The following TRIM24 variants were observed in gnomAD, a reference collection of about 807,000 sequenced individuals.
The protein encoded by TRIM24 is transcription intermediary factor 1-alpha.
A neutral mutation model predicts 123.9 loss-of-function variants in TRIM24; 29 were observed. The ratio of observed to expected loss-of-function variants is 0.23; its 90% CI spans 0.17 to 0.32. TRIM24 has a LOEUF of 0.32. Ranked by LOEUF, TRIM24 falls within the 10% of genes least tolerant of loss-of-function variation. TRIM24 has a pLI of 1.00. For synonymous variants in TRIM24, 456 were observed against 461.1 expected (o/e 0.99, Z 0.14); for missense variants, 932 against 1,295.3 (o/e 0.72, Z 4.31).
In TRIM24 at chr7:138,578,920, G is replaced by GTATATATATATATATA. The variant is rs71177997; in HGVS notation, c.2257-281_2257-266dup. ...AATTTGAATGAACAGCTCCAGTGAGGTATATATATATATATATAGGTCATG... is the reference window on the plus strand; with the variant it reads ...AATTTGAATGAACAGCTCCAGTGAGGTATATATATATATATATATATATATATATATATAGGTCATG... On this transcript the variant is annotated intron_variant, in intron 14 of 18. Transcript: ENST00000343526. Among the ~76,000 whole-genome samples, 260 of 146,402 alleles carry GTATATATATATATATA rather than the reference G, an allele frequency of 1.8e-3. 2 individuals are homozygous for GTATATATATATATATA. The highest frequency in any genetic ancestry group is 6.5e-3 in the African/African-American group (257 of 39,774).
chr7:138,564,552 C>T (rs904469338), intron 9 of TRIM24, among the ~76,000 whole-genome samples: 4 of 152,212 alleles, frequency 2.6e-5, no homozygotes, highest in East Asian at 1.9e-4. Flanking sequence ...ACTTTAGGCT[C>T]GGTCTGAGCC....
chr7:138,502,629 G>T (rs1188184662), intron 1 of TRIM24, among the ~76,000 whole-genome samples: 1 of 152,188 alleles, frequency 6.6e-6, no homozygotes, highest in East Asian at 1.9e-4. Flanking sequence ...TAAATTGGGG[G>T]TAACACTTAA....
Position 138,466,644 on chromosome 7 carries a change from C to T in TRIM24, c.364+5732C>T, listed in dbSNP as rs536142677. ...CTGGGATTATGGGCGTGAGCCACCA[C>T]GCCTGGCTGGGAGTTTGCCTTTTTA... On this transcript the variant is annotated intron_variant, in intron 1 of 18. Coordinates refer to ENST00000343526, the MANE Select transcript of TRIM24 (RefSeq NM_015905.3). Among the ~76,000 whole-genome samples, 13 of 151,746 alleles carry T rather than the reference C, an allele frequency of 8.6e-5. No homozygotes were observed. The South Asian group carries it at 1.2e-3, about 15-fold the overall frequency.
At chr7:138,505,513 GTT>G (rs1796133582) in intron 2 of TRIM24, among the ~76,000 whole-genome samples, 11 of 125,284 alleles carry the variant, frequency 8.8e-5, no homozygotes, top group South Asian at 5.4e-4. Context: ...GGTGGTGGTT[GTT>G]GTTGTTGTTG....
At chr7:138,550,318 G>GGTGTGTGTGTGTGTGTGT (rs10548154) in intron 7 of TRIM24, among the ~76,000 whole-genome samples, 198 of 147,568 alleles carry the variant, frequency 1.3e-3, no homozygotes, top group African/African-American at 4.2e-3. Context: ...AGGAGTTGAT[G>GGTGTGTGTGTGTGTGTGT]GTGTGTGTGT....
chr7:138,506,550 A>T (rs918138963), intron 2 of TRIM24, among the ~76,000 whole-genome samples: 1 of 152,228 alleles, frequency 6.6e-6, no homozygotes, highest in African/African-American at 2.4e-5. Context: ...CAGATGGGAT[A>T]TTCCTATGAC....
chr7:138,544,385 G>A (rs1049795814), intron 7 of TRIM24, among the ~76,000 whole-genome samples: 4 of 152,112 alleles, frequency 2.6e-5, no homozygotes, highest in Non-Finnish European at 4.4e-5. Flanking sequence ...ATATTCTATT[G>A]TATATATCTA....
chr7:138,508,658 G>A (rs898763706), intron 2 of TRIM24, among the ~76,000 whole-genome samples: 1 of 130,348 alleles, frequency 7.7e-6, no homozygotes, highest in African/African-American at 2.7e-5. Flanking sequence ...TGACTAATAA[G>A]AGGAGTGTGT....
chr7:138,563,487 C>T (rs1373558261), intron 9 of TRIM24, among the ~76,000 whole-genome samples: 4 of 152,236 alleles, frequency 2.6e-5, no homozygotes, highest in Non-Finnish European at 5.9e-5. Context: ...GTAAGGGTCA[C>T]TGCTAACATA....
chr7:138,510,632 G>T (rs1354005976), intron 2 of TRIM24, among the ~76,000 whole-genome samples: 3 of 152,140 alleles, frequency 2.0e-5, no homozygotes. Context: ...ATGTTGCCCA[G>T]GCTGGTCTCG....
At chr7:138,580,840 T>A in intron 16 of TRIM24, 146 bp downstream of exon 16, 1 of 678,658 alleles carries the variant, frequency 1.5e-6, no homozygotes, top group Non-Finnish European at 2.2e-6. Flanking sequence ...GGTACATGAA[T>A]CTTAAAGACT....
At chr7:138,504,692 C>T (rs1796113069) in intron 2 of TRIM24, among the ~76,000 whole-genome samples, 1 of 151,534 alleles carries the variant, frequency 6.6e-6, no homozygotes. Context: ...AATCTCCTGA[C>T]CTCTTGATCC....
intron 1 of TRIM24, among the ~76,000 whole-genome samples, chr7:138,468,537 G>C (rs560122770): frequency 6.6e-6 from 1 of 151,852 alleles, no homozygotes; most frequent in African/African-American, 2.4e-5. Flanking sequence ...AAAGTATCTC[G>C]TAGATAGCGT....
chr7:138,582,578 G>A (rs186023737), intron 17 of TRIM24, among the ~76,000 whole-genome samples: 6 of 150,444 alleles, frequency 4.0e-5, no homozygotes, highest in Admixed American at 6.6e-5. Context: ...TGACTTTAAC[G>A]CATAATTTTA....
chr7:138,486,788 T>C (rs1225694285), intron 1 of TRIM24, among the ~76,000 whole-genome samples: 1 of 152,226 alleles, frequency 6.6e-6, no homozygotes, highest in Admixed American at 6.5e-5. Flanking sequence ...CCAGCTTTGT[T>C]CTTTTTGCTT....
intron 2 of TRIM24, among the ~76,000 whole-genome samples, chr7:138,508,325 A>G (rs529704757): frequency 5.3e-5 from 8 of 152,082 alleles, no homozygotes; most frequent in Non-Finnish European, 1.2e-4. Context: ...GAAGGGTAAG[A>G]ATATTTTGAT....
At chr7:138,510,796 C>T (rs1796270011) in intron 2 of TRIM24, among the ~76,000 whole-genome samples, 2 of 152,112 alleles carry the variant, frequency 1.3e-5, no homozygotes, top group South Asian at 4.1e-4. Flanking sequence ...CTTGATTAGG[C>T]AGGTTCATTT....
chr7:138,548,535 C>T (rs891979009), intron 7 of TRIM24, among the ~76,000 whole-genome samples: 14 of 152,082 alleles, frequency 9.2e-5, no homozygotes, highest in African/African-American at 2.9e-4. Flanking sequence ...ACTGTGAAGG[C>T]GTAGGACATT....
At chr7:138,484,716 C>T (rs1795607975) in intron 1 of TRIM24, among the ~76,000 whole-genome samples, 1 of 151,984 alleles carries the variant, frequency 6.6e-6, no homozygotes, top group African/African-American at 2.4e-5. Context: ...TTACAGAGTG[C>T]TACTGATTTA....
Sources: gnomAD v4.1 joint callset for allele counts (sites outside exome capture counted in the v4.1 genomes callset) on GRCh38, gnomAD v4.1.1 for gene constraint, MANE v1.5 for transcripts, NCBI Gene and HGNC (gene_info 2026-07-23, HGNC 2026-07-21) for gene names.